FHOD3: variants seen among roughly 807,000 people sequenced by gnomAD.
FHOD3 encodes the protein FH1/FH2 domain-containing protein 3.
A neutral mutation model predicts 173.0 loss-of-function variants in FHOD3; 90 were observed. The ratio of observed to expected loss-of-function variants is 0.52; its 90% CI spans 0.44 to 0.62. FHOD3 has a LOEUF of 0.62. FHOD3 is among the 20% of genes least tolerant of loss of function. The pLI is 0.00. For synonymous variants in FHOD3, 828 were observed against 823.0 expected, an observed-to-expected ratio of 1.01 and a Z score of -0.10; for missense variants, 1,945 against 2,034.7, an observed-to-expected ratio of 0.96 and a Z score of 0.85.
rs1469088970 is a variant in FHOD3, at chr18:36,636,972, G to T, written c.1196+11223G>T. 3.8e-5 allele frequency among the ~76,000 whole-genome samples: 3 copies of T among 78,500 alleles called. No homozygotes were observed. The East Asian group carries it at 1.7e-3, about 45-fold the overall frequency. 51.5% of individuals were successfully genotyped at this position (78,500 alleles called of 152,430 possible). ...TCCAAATGGAGGGTCAAATAATTTTGATCATGAGATCAGGAAAAAACAACT... is the reference window on the plus strand; with the variant it reads ...TCCAAATGGAGGGTCAAATAATTTTTATCATGAGATCAGGAAAAAACAACT... On this transcript the variant is annotated intron_variant, in intron 10 of 28. Coordinates refer to ENST00000590592, the MANE Select transcript of FHOD3 (RefSeq NM_001281740.3).
chr18:36,370,021 C>T (rs1437810869), intron 2 of FHOD3, among the ~76,000 whole-genome samples: 1 of 152,160 alleles, frequency 6.6e-6, no homozygotes, highest in Non-Finnish European at 1.5e-5. Context: ...GAAGTAGTAC[C>T]TACATCAGAG....
intron 3 of FHOD3, among the ~76,000 whole-genome samples, chr18:36,487,934 T>A (rs913099127): frequency 2.0e-5 from 3 of 152,186 alleles, no homozygotes; most frequent in Non-Finnish European, 4.4e-5. Flanking sequence ...TAGGTGTGAA[T>A]TTGTTATGAG....
At chr18:36,523,711 C>T (rs1240311319) in intron 5 of FHOD3, among the ~76,000 whole-genome samples, 1 of 152,182 alleles carries the variant, frequency 6.6e-6, no homozygotes, top group Non-Finnish European at 1.5e-5. Flanking sequence ...GTTGGGGCTG[C>T]TAGGCTTGGG....
At chr18:36,588,790 T>C (rs2059120932) in intron 6 of FHOD3, among the ~76,000 whole-genome samples, 1 of 152,192 alleles carries the variant, frequency 6.6e-6, no homozygotes, top group Non-Finnish European at 1.5e-5. Context: ...GGTGATTACA[T>C]TTTATCTGAA....
chr18:36,303,087 C>T (rs2091997037), intron 1 of FHOD3, among the ~76,000 whole-genome samples: 1 of 152,184 alleles, frequency 6.6e-6, no homozygotes, highest in Non-Finnish European at 1.5e-5. Flanking sequence ...GCTGCTATGT[C>T]ATGAACTTAT....
At chr18:36,527,239 G>A (rs566398288) in intron 5 of FHOD3, among the ~76,000 whole-genome samples, 1 of 152,196 alleles carries the variant, frequency 6.6e-6, no homozygotes, top group African/African-American at 2.4e-5. Flanking sequence ...CTTTAAAGCC[G>A]AGGGAGAGAA....
At chr18:36,403,809 A>T (rs930773247) in intron 3 of FHOD3, among the ~76,000 whole-genome samples, 3 of 152,210 alleles carry the variant, frequency 2.0e-5, no homozygotes, top group Admixed American at 6.5e-5. Flanking sequence ...ACCCTGTGGC[A>T]GCCCAGTGGG....
In FHOD3 at chr18:36,681,487, A is replaced by G. The variant is rs2038233632; in HGVS notation, c.1887A>G (p.Ser629=). The change falls in exon 15 of 29, where the codon TCA becomes TCG. Residue 629 remains serine (S), a synonymous_variant. Transcript: ENST00000590592. The part of the protein sequence containing the change: ...LTSSFRQHQE[S]LAAERERRRQ... ...CATCCTTCAGGCAGCACCAAGAGTC[A>G]CTGGCAGCAGAGAGAGAGAGGCGGC... 8 of 1,613,892 alleles carry G rather than the reference A, an allele frequency of 5.0e-6. No homozygotes were observed. Among genetic ancestry groups the G allele is most frequent in the Non-Finnish European group, 6.8e-6 (8 of 1,179,930 alleles).
Position 36,722,215 on chromosome 18 carries a change from A to G in FHOD3, c.3417+3500A>G, listed in dbSNP as rs925157919. On this transcript the variant is annotated intron_variant, in intron 19 of 28. Coordinates refer to ENST00000590592, the MANE Select transcript of FHOD3 (RefSeq NM_001281740.3). ...GCTGGTCTAAGATGTGGTGAGCCCC[A>G]TAGGAGACAAAGTGACCCTAAGAAA... is the stretch of plus-strand genomic sequence containing the variant. 2.0e-5 allele frequency among the ~76,000 whole-genome samples: 3 copies of G among 152,320 alleles called. No individual in the cohort carries two copies. In the South Asian group the frequency reaches 6.2e-4, roughly 32 times the overall value.
intron 27 of FHOD3, among the ~76,000 whole-genome samples, chr18:36,765,238 A>G (rs1433270716): frequency 6.6e-6 from 1 of 152,182 alleles, no homozygotes; most frequent in East Asian, 1.9e-4. Flanking sequence ...AGCACCTTGA[A>G]CAGATACTTA....
At chr18:36,741,975 A>C (rs1168868846) in intron 21 of FHOD3, among the ~76,000 whole-genome samples, 1 of 152,120 alleles carries the variant, frequency 6.6e-6, no homozygotes, top group Non-Finnish European at 1.5e-5. Flanking sequence ...GGGTCACAAG[A>C]CCAGACAGCA....
chr18:36,673,822 G>A (rs186836744), intron 14 of FHOD3, among the ~76,000 whole-genome samples: 1 of 152,064 alleles, frequency 6.6e-6, no homozygotes, highest in Non-Finnish European at 1.5e-5. Flanking sequence ...ATCCCTCTCT[G>A]AGATACATAT....
chr18:36,465,961 A>C (rs1190757174), intron 3 of FHOD3, among the ~76,000 whole-genome samples: 1 of 152,160 alleles, frequency 6.6e-6, no homozygotes, highest in Non-Finnish European at 1.5e-5. Context: ...TAAAGCATAA[A>C]ATTGGAGCAA....
At chr18:36,299,725 C>T (rs991414330) in intron 1 of FHOD3, among the ~76,000 whole-genome samples, 9 of 152,180 alleles carry the variant, frequency 5.9e-5, no homozygotes, top group Non-Finnish European at 1.2e-4. Context: ...CACTGGCTTG[C>T]AGAACTTTCT....
intron 2 of FHOD3, among the ~76,000 whole-genome samples, chr18:36,359,795 T>C (rs2046523532): frequency 6.6e-6 from 1 of 152,194 alleles, no homozygotes; most frequent in Non-Finnish European, 1.5e-5. Context: ...GGCAATATTA[T>C]CATAATACTG....
intron 3 of FHOD3, among the ~76,000 whole-genome samples, chr18:36,406,089 GTTTTTGTT>G (rs2049046633): frequency 7.4e-6 from 1 of 135,732 alleles, no homozygotes; most frequent in African/African-American, 3.0e-5. Context: ...TTTTGTTTTT[GTTTTTGTT>G]TTTTTGTTTT....
intron 3 of FHOD3, among the ~76,000 whole-genome samples, chr18:36,493,227 T>C (rs1303640613): frequency 6.6e-6 from 1 of 151,510 alleles, no homozygotes; most frequent in Non-Finnish European, 1.5e-5. Context: ...TTTTTTTTTT[T>C]TTTTACAACT....
At chr18:36,620,941 G>C (rs1260758114) in intron 9 of FHOD3, among the ~76,000 whole-genome samples, 1 of 152,120 alleles carries the variant, frequency 6.6e-6, no homozygotes, top group Non-Finnish European at 1.5e-5. Flanking sequence ...TCAAGCAATT[G>C]CAGAGAGCTT....
chr18:36,509,603 A>G (rs1294869108), intron 4 of FHOD3, among the ~76,000 whole-genome samples: 1 of 152,102 alleles, frequency 6.6e-6, no homozygotes, highest in Non-Finnish European at 1.5e-5. Flanking sequence ...AAATGATGTG[A>G]TGTATGGGAC....
Sources: gnomAD v4.1 joint callset for allele counts (sites outside exome capture counted in the v4.1 genomes callset) on GRCh38, gnomAD v4.1.1 for gene constraint, MANE v1.5 for transcripts, NCBI Gene and HGNC (gene_info 2026-07-23, HGNC 2026-07-21) for gene names.